Variants in NFIA observed in about 807,000 individuals in gnomAD.
NFIA encodes nuclear factor I A, also known as nuclear factor 1 A-type.
Under a neutral mutation model 62.8 loss-of-function variants are expected in NFIA, and 8 were observed. The observed-to-expected ratio is 0.13, with a 90% CI of 0.07 to 0.23. NFIA has a LOEUF of 0.23. NFIA is among the 10% of genes least tolerant of loss of function. NFIA has a pLI of 1.00. For synonymous variants in NFIA, 235 were observed against 238.1 expected (o/e 0.99, Z 0.12); for missense variants, 410 against 642.1 (o/e 0.64, Z 3.91).
At chr1:61,129,704 C>T (rs1326672704) in intron 2 of NFIA, among the ~76,000 whole-genome samples, 3 of 152,018 alleles carry the variant, frequency 2.0e-5, no homozygotes, top group South Asian at 2.1e-4. Context: ...CCCACCTCAG[C>T]CTCCCAAAGT....
chr1:61,331,117 G>T (rs1661278945), intron 3 of NFIA, among the ~76,000 whole-genome samples: 1 of 152,056 alleles, frequency 6.6e-6, no homozygotes, highest in Admixed American at 6.6e-5. Flanking sequence ...GAAATTTCTT[G>T]AGCACTTTGA....
At chr1:61,274,109 T>C (rs941305638) in intron 2 of NFIA, among the ~76,000 whole-genome samples, 1 of 152,202 alleles carries the variant, frequency 6.6e-6, no homozygotes, top group Non-Finnish European at 1.5e-5. Context: ...TTTATTTTAT[T>C]CCTTTCCCTA....
intron 2 of NFIA, among the ~76,000 whole-genome samples, chr1:61,196,109 G>T (rs1405390835): frequency 6.6e-6 from 1 of 152,112 alleles, no homozygotes; most frequent in Non-Finnish European, 1.5e-5. Flanking sequence ...TGCTTTGTAG[G>T]TATGTTTGTT....
chr1:61,115,155 A>G (rs914843793), intron 2 of NFIA, among the ~76,000 whole-genome samples: 13 of 152,058 alleles, frequency 8.5e-5, no homozygotes, highest in Admixed American at 7.2e-4. Context: ...AACTTTTTGT[A>G]TTTTTAGCAG....
At chr1:61,209,787 A>G (rs987707642) in intron 2 of NFIA, among the ~76,000 whole-genome samples, 2 of 152,102 alleles carry the variant, frequency 1.3e-5, no homozygotes, top group African/African-American at 4.8e-5. Flanking sequence ...AGGAGATGGA[A>G]GTTACAGTAA....
intron 2 of NFIA, among the ~76,000 whole-genome samples, chr1:61,091,664 G>T (rs929501240): frequency 1.3e-5 from 2 of 152,176 alleles, no homozygotes; most frequent in African/African-American, 4.8e-5. Flanking sequence ...TAACAGTAAA[G>T]CTAATTTATG....
At chr1:61,098,238 A>G (rs1646449632) in intron 2 of NFIA, among the ~76,000 whole-genome samples, 1 of 152,208 alleles carries the variant, frequency 6.6e-6, no homozygotes, top group South Asian at 2.1e-4. Flanking sequence ...CTGATGGAAA[A>G]CTGTGTACCT....
At chr1:61,370,807 C>T (rs1663842985) in intron 6 of NFIA, among the ~76,000 whole-genome samples, 2 of 152,120 alleles carry the variant, frequency 1.3e-5, no homozygotes, top group Admixed American at 6.6e-5. Context: ...GCATCTTGTT[C>T]CTCATTTTGA....
chr1:61,331,720 G>A (rs1376902755), intron 3 of NFIA, among the ~76,000 whole-genome samples: 1 of 152,100 alleles, frequency 6.6e-6, no homozygotes, highest in African/African-American at 2.4e-5. Context: ...CATAGATTAT[G>A]TGTTCCTTGT....
intron 2 of NFIA, among the ~76,000 whole-genome samples, chr1:61,127,198 C>T (rs2100482476): frequency 6.7e-6 from 1 of 150,102 alleles, no homozygotes; most frequent in Middle Eastern, 3.7e-3. Context: ...CAGCTCACGC[C>T]TGTAATCCCA....
At chr1:61,162,879 T>C (rs1165941725) in intron 2 of NFIA, among the ~76,000 whole-genome samples, 1 of 149,398 alleles carries the variant, frequency 6.7e-6, no homozygotes, top group East Asian at 2.0e-4. Flanking sequence ...AAAAACAGAG[T>C]GAAAGTTTAT....
intron 7 of NFIA, among the ~76,000 whole-genome samples, chr1:61,393,538 G>C (rs865820562): frequency 1.3e-5 from 2 of 151,788 alleles, no homozygotes; most frequent in Middle Eastern, 6.8e-3. Context: ...TGATTATCTG[G>C]GTTTGGGTCA....
chr1:61,366,974 A>G (rs968718754), intron 6 of NFIA, among the ~76,000 whole-genome samples: 2 of 152,310 alleles, frequency 1.3e-5, no homozygotes, highest in Admixed American at 6.5e-5. Context: ...TCCTATCACA[A>G]TGATTAAGAA....
rs116247463 is a variant in NFIA at position 61,383,342 on chromosome 1, G to A, written c.1052G>A (p.Arg351Gln). 2 of 1,613,716 alleles carry A rather than the reference G, an allele frequency of 1.2e-6. No individual in the cohort carries two copies. Among genetic ancestry groups the A allele is most frequent in the South Asian group, 1.1e-5 (1 of 91,066 alleles). Residue 351 changes from arginine to glutamine, a missense_variant, in exon 7 of 11, where the codon CGA becomes CAA. This residue lies in a region of NFIA where 298 missense variants were observed against 438.1 expected (regional missense o/e 0.68). Coordinates refer to ENST00000403491, the MANE Select transcript of NFIA (RefSeq NM_001134673.4). ...SLGTAFTQHH[R>Q]PVITGPRASP... ...GGAACGGCGTTCACACAGCATCACC[G>A]ACCTGTCATTACAGGACCCAGAGGT... is the stretch of plus-strand genomic sequence containing the variant.
At chr1:61,168,256 C>CTTA (rs1649717277) in intron 2 of NFIA, among the ~76,000 whole-genome samples, 1 of 152,112 alleles carries the variant, frequency 6.6e-6, no homozygotes. Context: ...ACCACTGCTT[C>CTTA]TGTGGAAGTG....
chr1:61,241,097 G>A (rs1284595593), intron 2 of NFIA, among the ~76,000 whole-genome samples: 3 of 152,000 alleles, frequency 2.0e-5, no homozygotes, highest in Non-Finnish European at 4.4e-5. Flanking sequence ...CATGAAGTGG[G>A]ACAGTCTGAA....
chr1:61,451,874 CT>C (rs960831785), intron 10 of NFIA, among the ~76,000 whole-genome samples: 6 of 152,262 alleles, frequency 3.9e-5, no homozygotes, highest in Admixed American at 1.3e-4. Flanking sequence ...GAAACCTAAG[CT>C]TATGTCACTA....
At chr1:61,401,173 A>G (rs1665541054) in intron 7 of NFIA, among the ~76,000 whole-genome samples, 1 of 152,242 alleles carries the variant, frequency 6.6e-6, no homozygotes, top group African/African-American at 2.4e-5. Context: ...TAAGGGTTGC[A>G]AAGGATGACC....
intron 9 of NFIA, among the ~76,000 whole-genome samples, chr1:61,416,293 G>A (rs1557769122): frequency 6.6e-6 from 1 of 152,040 alleles, no homozygotes; most frequent in African/African-American, 2.4e-5. Flanking sequence ...TAATAATCTT[G>A]TTTATACTAA....
Sources: gnomAD v4.1 joint callset for allele counts (sites outside exome capture counted in the v4.1 genomes callset) on GRCh38, gnomAD v4.1.1 for gene constraint, gnomAD v4.1.1 regional missense constraint, MANE v1.5 for transcripts, NCBI Gene and HGNC (gene_info 2026-07-23, HGNC 2026-07-21) for gene names.